TRHDE: variants seen among roughly 807,000 people sequenced by gnomAD.
The protein encoded by TRHDE is thyrotropin-releasing hormone-degrading ectoenzyme.
TRHDE carries 72 observed loss-of-function variants against 125.7 expected under a neutral mutation model. The observed-to-expected ratio is 0.57, with a 90% CI of 0.47 to 0.70. The LOEUF is 0.70. Among genes scored for constraint, TRHDE ranks in the 30% least tolerant of loss-of-function variants. The probability of loss-of-function intolerance (pLI) is 0.00; values close to 1 mark genes in which losing one functional copy is unlikely to be tolerated. For missense variants in TRHDE, 1,110 were observed against 1,327.1 expected (o/e 0.84, Z 2.54); for synonymous variants, 509 against 509.1 (o/e 1.00, Z 0.00).
intron 2 of TRHDE, chr12:72,105,810 A>G (rs1447235818): frequency 6.6e-6 from 1 of 152,198 alleles, no homozygotes; most frequent in South Asian, 2.1e-4. Context: ...TACACACAAC[A>G]AAATACTTTA....
At chr12:72,177,360 C>A (rs1877011423) in intron 2 of TRHDE, among the ~76,000 whole-genome samples, 1 of 152,004 alleles carries the variant, frequency 6.6e-6, no homozygotes, top group Admixed American at 6.6e-5. Context: ...ATACATCATA[C>A]CTTAAAACCT....
At chr12:72,306,446 AC>A (rs1465436927) in intron 2 of TRHDE, among the ~76,000 whole-genome samples, 1 of 152,188 alleles carries the variant, frequency 6.6e-6, no homozygotes, top group African/African-American at 2.4e-5. Context: ...CTAGTACTGA[AC>A]CATATAAGAC....
chr12:72,631,581 C>A (rs1333924153), intron 15 of TRHDE, among the ~76,000 whole-genome samples: 1 of 151,834 alleles, frequency 6.6e-6, no homozygotes, highest in African/African-American at 2.4e-5. Flanking sequence ...AATCATAGAA[C>A]ATCTCGGCTT....
At chr12:72,617,624 G>GTTGATTGA (rs113559964) in intron 12 of TRHDE, among the ~76,000 whole-genome samples, 1 of 151,806 alleles carries the variant, frequency 6.6e-6, no homozygotes, top group African/African-American at 2.4e-5. Context: ...TCTGCATTCA[G>GTTGATTGA]TTGATTTGTC....
intron 18 of TRHDE, among the ~76,000 whole-genome samples, chr12:72,662,054 C>A (rs560420666): frequency 6.6e-6 from 1 of 152,076 alleles, no homozygotes; most frequent in Non-Finnish European, 1.5e-5. Flanking sequence ...AAGTTATAAC[C>A]GCATTTTAAC....
At chr12:72,360,377 T>A (rs540704234) in intron 2 of TRHDE, among the ~76,000 whole-genome samples, 1 of 151,650 alleles carries the variant, frequency 6.6e-6, no homozygotes, top group South Asian at 2.1e-4. Context: ...CTACAAATCA[T>A]AAGAAAAAGA....
chr12:72,557,643 T>C (rs1429049398), intron 7 of TRHDE, among the ~76,000 whole-genome samples: 1 of 152,198 alleles, frequency 6.6e-6, no homozygotes, highest in Non-Finnish European at 1.5e-5. Context: ...TAACTCACTC[T>C]TTACTTTTCC....
At position 72,479,623 on chromosome 12, in the gene TRHDE, CAT is replaced by C. The variant is rs1877063723; in HGVS notation, c.1584+6444_1584+6445del. On this transcript the variant is annotated intron_variant, in intron 5 of 18. Coordinates refer to ENST00000261180, the MANE Select transcript of TRHDE (RefSeq NM_013381.3). ...AAAGCTGAAAATTAAAAAAATTATA[CAT>C]GTTTTTAAAGGATTTTTTTTTGTTT... Among the ~76,000 whole-genome samples, 5 of 143,720 alleles carry C rather than the reference CAT, an allele frequency of 3.5e-5. No homozygotes were observed. In the Admixed American group the frequency reaches 3.6e-4, roughly 10 times the overall value. The allele number at this position is 143,720 out of a possible 152,430, so 94.3% of individuals were successfully genotyped here. A position where few individuals can be genotyped will look rare whatever the true frequency, so the allele number is the denominator to read the frequency against.
chr12:72,642,134 G>T (rs1874091490), intron 15 of TRHDE, among the ~76,000 whole-genome samples: 2 of 152,148 alleles, frequency 1.3e-5, no homozygotes, highest in Non-Finnish European at 2.9e-5. Context: ...ATAGCCTCCA[G>T]TGCTGTGAGA....
intron 2 of TRHDE, among the ~76,000 whole-genome samples, chr12:72,198,906 C>A (rs1053655631): frequency 6.6e-6 from 1 of 151,250 alleles, no homozygotes; most frequent in Non-Finnish European, 1.5e-5. Flanking sequence ...GAAGGGGGAG[C>A]AGGCACGTCT....
At chr12:72,537,332 C>T (rs2135982322) in intron 6 of TRHDE, among the ~76,000 whole-genome samples, 1 of 152,066 alleles carries the variant, frequency 6.6e-6, no homozygotes, top group Non-Finnish European at 1.5e-5. Flanking sequence ...GACCTGTAAT[C>T]CCCACATGTC....
intron 2 of TRHDE, chr12:72,186,698 A>G (rs762252002): frequency 2.6e-5 from 4 of 152,228 alleles, no homozygotes; most frequent in Admixed American, 6.5e-5. Context: ...TATTAATGTA[A>G]TTTGACATTG....
At chr12:72,326,780 T>C (rs1164131485) in intron 2 of TRHDE, among the ~76,000 whole-genome samples, 1 of 152,194 alleles carries the variant, frequency 6.6e-6, no homozygotes, top group Non-Finnish European at 1.5e-5. Context: ...AAGTCCACTT[T>C]CAGAATAACA....
chr12:72,592,177 A>C (rs1871714120), intron 12 of TRHDE, among the ~76,000 whole-genome samples: 1 of 152,112 alleles, frequency 6.6e-6, no homozygotes, highest in Admixed American at 6.5e-5. Context: ...GCCAAGAATA[A>C]TTTGTATAGA....
At chr12:72,510,149 C>T (rs1278597394) in intron 6 of TRHDE, among the ~76,000 whole-genome samples, 1 of 152,188 alleles carries the variant, frequency 6.6e-6, no homozygotes, top group East Asian at 1.9e-4. Flanking sequence ...GCCTCCTGTT[C>T]TGCAAGTCTT....
intron 1 of TRHDE, among the ~76,000 whole-genome samples, chr12:72,282,426 G>A (rs1439186895): frequency 1.3e-5 from 2 of 152,138 alleles, no homozygotes; most frequent in Admixed American, 6.6e-5. Context: ...GTAAGCAGAA[G>A]AGAAGTCTCA....
intron 3 of TRHDE, among the ~76,000 whole-genome samples, chr12:72,424,535 A>G (rs1005833883): frequency 2.0e-5 from 3 of 152,184 alleles, no homozygotes; most frequent in Non-Finnish European, 4.4e-5. Context: ...TTATAAGATA[A>G]TCAATTTGTA....
chr12:72,211,575 A>G lies in TRHDE; in HGVS notation n.279+105823A>G, dbSNP rs528993454. Among the ~76,000 whole-genome samples, 4 of 152,288 alleles carry G rather than the reference A, an allele frequency of 2.6e-5. No homozygotes were observed. The South Asian group carries it at 8.3e-4, about 32-fold the overall frequency. On this transcript the variant is annotated intron_variant and non_coding_transcript_variant, in intron 2 of 4. Transcript: ENST00000548156. ...ATTTCTAAAATATTCAGAGGTGTTG[A>G]TAATACATATTAATTCCAACAATTA...
intron 7 of TRHDE, among the ~76,000 whole-genome samples, chr12:72,561,760 T>A (rs1870187723): frequency 6.6e-6 from 1 of 152,182 alleles, no homozygotes; most frequent in Admixed American, 6.5e-5. Flanking sequence ...CATCAGCATA[T>A]ATTAGCTCTT....
Sources: allele counts gnomAD v4.1 joint callset (sites outside exome capture counted in the v4.1 genomes callset), GRCh38; gene constraint gnomAD v4.1.1; transcripts MANE v1.5; gene names NCBI Gene and HGNC (gene_info 2026-07-23, HGNC 2026-07-21).